CFDP1: variants seen among roughly 807,000 people sequenced by gnomAD.
The protein encoded by CFDP1 is heterochromatin-stabilizing protein CFDP1.
CFDP1 carries 31 observed loss-of-function variants against 40.1 expected under a neutral mutation model. That is an observed-to-expected ratio of 0.77 (90% CI 0.58 to 1.04). The LOEUF is 1.04. Among genes scored for constraint, CFDP1 ranks in the 50% least tolerant of loss-of-function variants. The probability of loss-of-function intolerance (pLI) is 0.00; values close to 1 mark genes in which losing one functional copy is unlikely to be tolerated. For synonymous variants in CFDP1, 167 were observed against 120.0 expected (o/e 1.39, Z -2.56); for missense variants, 423 against 343.4 (o/e 1.23, Z -1.83).
chr16:75,353,732 C>T (rs2078627891), intron 5 of CFDP1, among the ~76,000 whole-genome samples: 1 of 96,568 alleles, frequency 1.0e-5, no homozygotes, highest in Non-Finnish European at 1.9e-5. Flanking sequence ...CTGGGCGACA[C>T]AGCAAAAGTC....
chr16:75,390,055 G>T (rs1402344938), intron 5 of CFDP1, among the ~76,000 whole-genome samples: 1 of 152,200 alleles, frequency 6.6e-6, no homozygotes. Context: ...TCCTTGTAAT[G>T]TGTTATGTTC....
At chr16:75,387,522 A>C (rs1036316398) in intron 5 of CFDP1, among the ~76,000 whole-genome samples, 1 of 152,184 alleles carries the variant, frequency 6.6e-6, no homozygotes, top group African/African-American at 2.4e-5. Context: ...AGCTGCCAAA[A>C]TCAATCATTT....
At chr16:75,318,180 C>G (rs2078336971) in intron 5 of CFDP1, among the ~76,000 whole-genome samples, 1 of 152,074 alleles carries the variant, frequency 6.6e-6, no homozygotes, top group Admixed American at 6.6e-5. Context: ...TCAAGGAGAA[C>G]TGTGCTCTGC....
intron 5 of CFDP1, among the ~76,000 whole-genome samples, chr16:75,386,927 T>C (rs1335471825): frequency 6.6e-6 from 1 of 152,254 alleles, no homozygotes; most frequent in African/African-American, 2.4e-5. Context: ...AAATTGCCTT[T>C]AATAGATTGA....
chr16:75,368,739 T>G (rs1403600759), intron 5 of CFDP1, among the ~76,000 whole-genome samples: 1 of 152,062 alleles, frequency 6.6e-6, no homozygotes, highest in Non-Finnish European at 1.5e-5. Context: ...CCTCCTAGGC[T>G]CACGCAATCC....
rs74839729 is a variant in CFDP1 at position 75,297,016 on chromosome 16, T to C, written c.810-2974A>G. The stretch of plus-strand genomic sequence containing the variant: ...TTTTCTGTGCCTTTTTTTCCTTCTC[T>C]GTAAAACAGAATAACAATTACAATA... On this transcript the variant is annotated intron_variant, in intron 6 of 6. Coordinates refer to ENST00000283882, the MANE Select transcript of CFDP1 (RefSeq NM_006324.3). 5.0e-4 allele frequency among the ~76,000 whole-genome samples: 76 copies of C among 152,328 alleles called. No homozygotes were observed. The East Asian group carries it at 0.014, about 28-fold the overall frequency.
Position 75,433,503 on chromosome 16 carries a change from C to T in CFDP1, c.-151G>A. 1.5e-6 allele frequency: 1 copy of T among 680,584 alleles called. No individual in the cohort carries two copies. The highest frequency in any genetic ancestry group is 2.8e-5 in the East Asian group (1 of 36,162). The allele number at this position is 680,584 out of a possible 1,614,324, so 42.2% of individuals were successfully genotyped here. On this transcript the variant is annotated 5_prime_UTR_variant, in exon 1 of 7. Coordinates refer to ENST00000283882, the MANE Select transcript of CFDP1 (RefSeq NM_006324.3). ...CTTTGCACATGCGCAGAGAGTACTACGTGGTTGCCCTACGACACTTCCGGC... is the reference window on the plus strand; with the variant it reads ...CTTTGCACATGCGCAGAGAGTACTATGTGGTTGCCCTACGACACTTCCGGC...
At position 75,411,699 on chromosome 16, in the gene CFDP1, G is replaced by C. The variant is rs1823016023; in HGVS notation, c.530+126C>G. 1.5e-5 allele frequency: 14 copies of C among 951,756 alleles called. 1 individual carries two copies. The South Asian group carries it at 2.2e-4, about 15-fold the overall frequency. The allele number at this position is 951,756 out of a possible 1,614,324, so 59.0% of individuals were successfully genotyped here. Reference sequence around the variant, plus strand: ...GTAATTTATAGAGCCAGTTTTCCTTGAGTTCAAGTATAACTCTCCCAAAAT... The same window carrying C: ...GTAATTTATAGAGCCAGTTTTCCTTCAGTTCAAGTATAACTCTCCCAAAAT... On this transcript the variant is annotated intron_variant, in intron 4 of 6. Coordinates refer to ENST00000283882, the MANE Select transcript of CFDP1 (RefSeq NM_006324.3).
rs147699952 is a variant in CFDP1, at chr16:75,339,582, G to A, written c.651-34400C>T. Among the ~76,000 whole-genome samples the A allele has an allele frequency of 4.6e-5, 7 of 152,246 alleles. No individual in the cohort carries two copies. In the East Asian group the frequency reaches 9.7e-4, roughly 21 times the overall value. ...TACTTCACCACTGCCAATCTCCATC[G>A]GTTACAGGGGAAGGGCAGGATATGC... On this transcript the variant is annotated intron_variant, in intron 5 of 6. Coordinates refer to ENST00000283882, the MANE Select transcript of CFDP1 (RefSeq NM_006324.3).
At chr16:75,299,590 A>G (rs1353169145) in intron 6 of CFDP1, among the ~76,000 whole-genome samples, 2 of 151,162 alleles carry the variant, frequency 1.3e-5, no homozygotes, top group Admixed American at 6.6e-5. Flanking sequence ...GCGAGACTCC[A>G]TCTCAAAAAA....
chr16:75,428,859 G>A (rs1348675408), intron 1 of CFDP1, among the ~76,000 whole-genome samples: 1 of 152,170 alleles, frequency 6.6e-6, no homozygotes, highest in Non-Finnish European at 1.5e-5. Context: ...GCTCACGCCT[G>A]TAATCCCAGC....
chr16:75,423,883 A>G (rs2079306410), intron 1 of CFDP1, among the ~76,000 whole-genome samples: 1 of 152,110 alleles, frequency 6.6e-6, no homozygotes, highest in African/African-American at 2.4e-5. Context: ...AATATTTTCT[A>G]TCTGCAGTTG....
intron 5 of CFDP1, among the ~76,000 whole-genome samples, chr16:75,373,056 C>G (rs997623252): frequency 6.6e-6 from 1 of 152,102 alleles, no homozygotes; most frequent in Admixed American, 6.6e-5. Context: ...CAACTCTGGC[C>G]CAGAGATAAA....
intron 5 of CFDP1, among the ~76,000 whole-genome samples, chr16:75,330,937 A>C (rs2078441283): frequency 1.3e-5 from 2 of 150,074 alleles, no homozygotes. Flanking sequence ...AGTCCTTATG[A>C]TAAAATGAAG....
intron 4 of CFDP1, among the ~76,000 whole-genome samples, chr16:75,404,085 T>C (rs962245217): frequency 6.6e-6 from 1 of 151,290 alleles, no homozygotes; most frequent in Non-Finnish European, 1.5e-5. Flanking sequence ...TGAGCTGAGA[T>C]CGCACCACTG....
Position 75,303,401 on chromosome 16 carries a change from ATG to A in CFDP1, c.809+1621_809+1622del, listed in dbSNP as rs1491286838. On this transcript the variant is annotated intron_variant, in intron 6 of 6. Coordinates refer to ENST00000283882, the MANE Select transcript of CFDP1 (RefSeq NM_006324.3). The stretch of plus-strand genomic sequence containing the variant: ...AATAAATAAATAAATAAATAAATAA[ATG>A]TATGTATGTATGTATGTATGTATGT... 9.2e-3 allele frequency among the ~76,000 whole-genome samples: 387 copies of A among 42,044 alleles called. 2 individuals carry two copies. The highest frequency in any genetic ancestry group is 0.017 in the African/African-American group (363 of 20,904). 27.6% of individuals were successfully genotyped at this position (42,044 alleles called of 152,430 possible).
At chr16:75,341,272 A>C (rs1000469283) in intron 5 of CFDP1, among the ~76,000 whole-genome samples, 1 of 152,202 alleles carries the variant, frequency 6.6e-6, no homozygotes, top group African/African-American at 2.4e-5. Context: ...CCTGCACCAC[A>C]TACCACCAGC....
At chr16:75,314,173 T>C (rs943282208) in intron 5 of CFDP1, among the ~76,000 whole-genome samples, 2 of 152,160 alleles carry the variant, frequency 1.3e-5, no homozygotes, top group Admixed American at 6.6e-5. Context: ...GCGTGAGCCA[T>C]CGCACCTGGC....
intron 4 of CFDP1, among the ~76,000 whole-genome samples, chr16:75,400,134 C>G (rs1353683536): frequency 7.1e-6 from 1 of 140,152 alleles, no homozygotes; most frequent in Non-Finnish European, 1.5e-5. Context: ...AAAAAAAAAT[C>G]AGCCAGGCAT....
Sources: allele counts gnomAD v4.1 joint callset (sites outside exome capture counted in the v4.1 genomes callset), GRCh38; gene constraint gnomAD v4.1.1; transcripts MANE v1.5; gene names NCBI Gene and HGNC (gene_info 2026-07-23, HGNC 2026-07-21).